Variants in IGF1R observed in about 807,000 individuals in gnomAD.
IGF1R encodes insulin like growth factor 1 receptor.
IGF1R carries 44 observed loss-of-function variants against 144.6 expected under a neutral mutation model. That is an observed-to-expected ratio of 0.30 (90% CI 0.24 to 0.39). The LOEUF is 0.39. IGF1R is among the 10% of genes least tolerant of loss of function. The probability of loss-of-function intolerance (pLI) is 1.00; values close to 1 mark genes in which losing one functional copy is unlikely to be tolerated. For missense variants in IGF1R, 1,355 were observed against 1,833.7 expected (o/e 0.74, Z 4.77); for synonymous variants, 795 against 722.8 (o/e 1.10, Z -1.60).
At chr15:98,712,708 C>T (rs1033958436) in intron 2 of IGF1R, among the ~76,000 whole-genome samples, 2 of 151,658 alleles carry the variant, frequency 1.3e-5, no homozygotes, top group African/African-American at 4.8e-5. Flanking sequence ...CTCCCAGGTT[C>T]AAGTGATTCT....
At chr15:98,750,334 C>T (rs1050691285) in intron 2 of IGF1R, among the ~76,000 whole-genome samples, 13 of 152,172 alleles carry the variant, frequency 8.5e-5, no homozygotes, top group Non-Finnish European at 1.5e-4. Context: ...GGGGGCTGGC[C>T]TCCCTGATCA....
At chr15:98,812,916 A>C (rs973819036) in intron 2 of IGF1R, among the ~76,000 whole-genome samples, 3 of 152,156 alleles carry the variant, frequency 2.0e-5, no homozygotes, top group African/African-American at 7.2e-5. Context: ...ACCAGAGACC[A>C]TCGTTATCAT....
chr15:98,748,146 G>A (rs993552661), intron 2 of IGF1R, among the ~76,000 whole-genome samples: 3 of 152,068 alleles, frequency 2.0e-5, no homozygotes, highest in Non-Finnish European at 4.4e-5. Flanking sequence ...ACTTCTGCAT[G>A]CACAACTTTT....
At chr15:98,854,193 C>T (rs904099913) in intron 2 of IGF1R, among the ~76,000 whole-genome samples, 3 of 152,152 alleles carry the variant, frequency 2.0e-5, no homozygotes, top group African/African-American at 7.2e-5. Context: ...TTCTGGGCAT[C>T]ATGACTCTCT....
intron 2 of IGF1R, among the ~76,000 whole-genome samples, chr15:98,763,268 A>G (rs2055352830): frequency 1.3e-5 from 2 of 152,096 alleles, no homozygotes; most frequent in Admixed American, 6.5e-5. Flanking sequence ...AGTTAGGGAA[A>G]TGTTTTGTTC....
In IGF1R at chr15:98,707,813, G is replaced by A. The variant is rs2141259366; in HGVS notation, c.346G>A (p.Ala116Thr). 1 of 1,614,086 alleles carries A rather than the reference G, an allele frequency of 6.2e-7. No individual in the cohort carries two copies. The highest frequency in any genetic ancestry group is 8.5e-7 in the Non-Finnish European group (1 of 1,180,006). ...IRGWKLFYNY[A>T]LVIFEMTNLK... ...CGGCTGGAAACTCTTCTACAACTAC[G>A]CCCTGGTCATCTTCGAGATGACCAA... The change falls in exon 2 of 21, where the codon GCC (alanine) becomes ACC (threonine). Residue 116 changes from alanine to threonine, a missense_variant. By Grantham distance (58) the Ala-to-Thr change is moderately conservative. Around this residue, in one of 7 missense-constraint regions of IGF1R, gnomAD observed 75 missense variants for 160.0 expected, o/e 0.47. Coordinates refer to ENST00000650285, the MANE Select transcript of IGF1R (RefSeq NM_000875.5). This position sits in a 1 kb window ranked among gnomAD's most constrained non-coding sequence, Gnocchi z 6.7.
At chr15:98,787,927 G>A (rs1031317412) in intron 2 of IGF1R, among the ~76,000 whole-genome samples, 7 of 152,264 alleles carry the variant, frequency 4.6e-5, no homozygotes, top group African/African-American at 1.7e-4. Flanking sequence ...AGACAAAAGA[G>A]AAATGGGGGT....
chr15:98,933,833 C>G (rs1487720165), intron 15 of IGF1R, among the ~76,000 whole-genome samples: 2 of 152,142 alleles, frequency 1.3e-5, no homozygotes, highest in African/African-American at 4.8e-5. Context: ...ACCACCGGGT[C>G]TCTCCCTCAG....
intron 15 of IGF1R, among the ~76,000 whole-genome samples, chr15:98,932,970 G>A (rs972563831): frequency 6.6e-6 from 1 of 152,178 alleles, no homozygotes; most frequent in Admixed American, 6.5e-5. Context: ...TTGGGATATG[G>A]AGATGTTAGG....
chr15:98,934,723 A>T, intron 15 of IGF1R, 101 bp from the exon 16 acceptor site: 2 of 967,844 alleles, frequency 2.1e-6, no homozygotes, highest in Non-Finnish European at 3.3e-6. Flanking sequence ...TGTGGGTTTA[A>T]GGAAGCAGCA....
intron 2 of IGF1R, among the ~76,000 whole-genome samples, chr15:98,878,684 AAAAAAAAAAAACAACAAC>A (rs2013196014): frequency 8.3e-6 from 1 of 120,990 alleles, no homozygotes; most frequent in Non-Finnish European, 1.7e-5. Flanking sequence ...AAAAAAAAAA[AAAAAAAAAAAACAACAAC>A]AAAAAAAAGG....
In IGF1R at chr15:98,911,400, C is replaced by G. The variant is rs1180413585; in HGVS notation, c.1548C>G (p.Asp516Glu). Reference sequence around the variant, plus strand: ...CCTGGCACCGGTACCGGCCCCCTGACTACAGGGATCTCATCAGCTTCACCG... The same window carrying G: ...CCTGGCACCGGTACCGGCCCCCTGAGTACAGGGATCTCATCAGCTTCACCG... ...IITWHRYRPP[D>E]YRDLISFTVY... The change falls in exon 7 of 21, where the codon GAC (aspartate) becomes GAG (glutamate). Residue 516 changes from aspartate to glutamate, a missense_variant. Physicochemically the swap from Asp to Glu is conservative, Grantham distance 45 (BLOSUM62 2). This residue lies in a region of IGF1R where 880 missense variants were observed against 1,202.7 expected (regional missense o/e 0.73). Coordinates refer to ENST00000650285, the MANE Select transcript of IGF1R (RefSeq NM_000875.5). The G allele has an allele frequency of 6.2e-7, 1 of 1,614,208 alleles. No homozygotes were observed. The highest frequency in any genetic ancestry group is 8.5e-7 in the Non-Finnish European group (1 of 1,180,026).
At chr15:98,795,500 CG>C (rs1305063570) in intron 2 of IGF1R, among the ~76,000 whole-genome samples, 1 of 152,058 alleles carries the variant, frequency 6.6e-6, no homozygotes, top group Non-Finnish European at 1.5e-5. Flanking sequence ...CTGCAAGCTC[CG>C]CCTCCTGGGT....
intron 5 of IGF1R, among the ~76,000 whole-genome samples, chr15:98,904,332 G>A (rs776528072): frequency 6.6e-6 from 1 of 152,102 alleles, no homozygotes; most frequent in Non-Finnish European, 1.5e-5. Flanking sequence ...GATTACAGGT[G>A]TGAGCCACCG....
In IGF1R at chr15:98,749,231, TA is replaced by T. The variant is rs561478544; in HGVS notation, c.640+41128del. Reference sequence around the variant, plus strand: ...AAATACCCTTTAATTTGCCTATTTTTAAAATTCTTGTTTCTGTGCTTACCTT... The same window carrying T: ...AAATACCCTTTAATTTGCCTATTTTTAAATTCTTGTTTCTGTGCTTACCTT... On this transcript the variant is annotated intron_variant, in intron 2 of 20. Coordinates refer to ENST00000650285, the MANE Select transcript of IGF1R (RefSeq NM_000875.5). 4.7e-4 allele frequency among the ~76,000 whole-genome samples: 72 copies of T among 152,188 alleles called. 1 individual carries two copies. In the East Asian group the frequency reaches 0.013, roughly 28 times the overall value.
chr15:98,863,868 A>G (rs1482726506), intron 2 of IGF1R, among the ~76,000 whole-genome samples: 1 of 152,258 alleles, frequency 6.6e-6, no homozygotes, highest in Non-Finnish European at 1.5e-5. Flanking sequence ...GAAGGTTTAC[A>G]TCAACACCAT....
chr15:98,755,718 C>CAAAAAAAAAAAAAAAA (rs56121011), intron 2 of IGF1R, among the ~76,000 whole-genome samples: 3 of 34,472 alleles, frequency 8.7e-5, no homozygotes, highest in African/African-American at 4.7e-4. Context: ...AACTCCATTG[C>CAAAAAAAAAAAAAAAA]AAAAAAAAAA....
chr15:98,851,069 C>T (rs2011509461), intron 2 of IGF1R, among the ~76,000 whole-genome samples: 1 of 152,184 alleles, frequency 6.6e-6, no homozygotes, highest in African/African-American at 2.4e-5. Flanking sequence ...AGGAAGTGGG[C>T]TGGCCAGGGC....
chr15:98,707,315 C>T lies in IGF1R; in HGVS notation c.95-247C>T, dbSNP rs573232146. Reference sequence around the variant, plus strand: ...AGTTTGCACGGTTAACGGGGATGGCCTCTCCCATGGTCGGTTGGAGTGTGT... The same window carrying T: ...AGTTTGCACGGTTAACGGGGATGGCTTCTCCCATGGTCGGTTGGAGTGTGT... On this transcript the variant is annotated intron_variant, in intron 1 of 20. Transcript: ENST00000650285. This position sits in a 1 kb window ranked among gnomAD's most constrained non-coding sequence, Gnocchi z 6.7. 6.6e-6 allele frequency among the ~76,000 whole-genome samples: 1 copy of T among 152,258 alleles called. No individual in the cohort carries two copies. The highest frequency in any genetic ancestry group is 6.5e-5 in the Admixed American group (1 of 15,292).
Sources: gnomAD v4.1 joint callset for allele counts (sites outside exome capture counted in the v4.1 genomes callset) on GRCh38, gnomAD v4.1.1 for gene constraint, gnomAD v4.1.1 regional missense constraint, Gnocchi (gnomAD v3.1) non-coding constraint, MANE v1.5 for transcripts, NCBI Gene and HGNC (gene_info 2026-07-23, HGNC 2026-07-21) for gene names.